The following PDE8B variants were observed in gnomAD, a reference collection of about 807,000 sequenced individuals.
PDE8B encodes phosphodiesterase 8B.
Under a neutral mutation model 101.3 loss-of-function variants are expected in PDE8B, and 26 were observed. That is an observed-to-expected ratio of 0.26 (90% confidence interval 0.19 to 0.36). The LOEUF (loss-of-function observed/expected upper bound fraction) is 0.36, where lower values mean the gene tolerates loss of function less well. PDE8B is among the 10% of genes least tolerant of loss of function. The probability of loss-of-function intolerance (pLI) is 1.00; values close to 1 mark genes in which losing one functional copy is unlikely to be tolerated. For missense variants in PDE8B, 810 were observed against 1,163.1 expected (o/e 0.70, Z 4.42); for synonymous variants, 424 against 429.3 (o/e 0.99, Z 0.15).
At chr5:77,097,161 G>A in the PDE8B span, among the ~76,000 whole-genome samples, 73 of 152,270 alleles carry the variant, frequency 4.8e-4, no homozygotes, top group Non-Finnish European at 1.3e-4. Context: ...GAGAAGGAGG[G>A]AGGAAAAGAG....
chr5:77,252,444 C>A (rs1313368242), intron 1 of PDE8B, among the ~76,000 whole-genome samples: 2 of 152,188 alleles, frequency 1.3e-5, no homozygotes, highest in African/African-American at 2.4e-5. Context: ...ACATTGATAA[C>A]TCTTTGAGGC....
intron 2 of PDE8B, 134 bp downstream of exon 2, chr5:77,312,187 T>C: frequency 1.5e-6 from 1 of 683,850 alleles, no homozygotes; most frequent in South Asian, 1.6e-5. Flanking sequence ...CACTGCAACC[T>C]CTGCCTCCTG....
At chr5:77,119,402 T>TA in the PDE8B span, 1 of 152,238 alleles carries the variant, frequency 6.6e-6, no homozygotes, top group Non-Finnish European at 1.5e-5. Flanking sequence ...CTCACGCCTG[T>TA]AATCCCAGCA....
intron 1 of PDE8B, among the ~76,000 whole-genome samples, chr5:77,277,145 A>G (rs251421): frequency 0.18 from 27,665 of 152,204 alleles, 2,780 homozygotes; most frequent in Non-Finnish European, 0.23. Context: ...GGTAGAACGC[A>G]GAAGGAGATT....
intron 10 of PDE8B, among the ~76,000 whole-genome samples, chr5:77,358,010 C>T (rs898858882): frequency 2.0e-5 from 3 of 152,214 alleles, no homozygotes; most frequent in African/African-American, 7.2e-5. Flanking sequence ...GCCCCCATGC[C>T]TTTACTCTCC....
chr5:77,279,464 T>C (rs1201894015), intron 1 of PDE8B, among the ~76,000 whole-genome samples: 4 of 152,202 alleles, frequency 2.6e-5, no homozygotes, highest in Non-Finnish European at 5.9e-5. Flanking sequence ...ACTGTCCTTA[T>C]AGCCAGAAAG....
intron 1 of PDE8B, among the ~76,000 whole-genome samples, chr5:77,302,736 A>G (rs1467658411): frequency 6.6e-6 from 1 of 152,218 alleles, no homozygotes; most frequent in African/African-American, 2.4e-5. Flanking sequence ...AGTGAGGCAG[A>G]CCTGGGCTTA....
intron 10 of PDE8B, among the ~76,000 whole-genome samples, chr5:77,387,041 G>A (rs1423211098): frequency 2.7e-5 from 4 of 149,864 alleles, no homozygotes; most frequent in African/African-American, 9.8e-5. Context: ...CCGCCACCGC[G>A]CCCGGCTAAT....
intron 1 of PDE8B, among the ~76,000 whole-genome samples, chr5:77,223,427 A>G (rs1022333239): frequency 2.4e-4 from 31 of 127,110 alleles, no homozygotes; most frequent in African/African-American, 9.2e-4. Context: ...CTAAGTTCTT[A>G]AAGTCTGGAA....
At chr5:77,422,032 G>C in intron 20 of PDE8B, 44 bp downstream of exon 20, 1 of 1,583,246 alleles carries the variant, frequency 6.3e-7, no homozygotes, top group Non-Finnish European at 8.7e-7. Flanking sequence ...CTCTGGGAAT[G>C]GGAACTAGGT....
At chr5:77,273,048 A>G (rs552604555) in intron 1 of PDE8B, among the ~76,000 whole-genome samples, 41 of 152,354 alleles carry the variant, frequency 2.7e-4, no homozygotes, top group African/African-American at 9.6e-4. Context: ...TGCTTATCCA[A>G]ATCATTCTTC....
intron 6 of PDE8B, among the ~76,000 whole-genome samples, chr5:77,337,737 T>A (rs1260604814): frequency 6.6e-6 from 1 of 152,216 alleles, no homozygotes; most frequent in Non-Finnish European, 1.5e-5. Flanking sequence ...GTAACCACAA[T>A]AGCAATTTTA....
chr5:77,094,832 C>G, the PDE8B span, among the ~76,000 whole-genome samples: 2 of 152,156 alleles, frequency 1.3e-5, no homozygotes, highest in East Asian at 3.9e-4. Context: ...TTTTAACAAC[C>G]AGATCTGGAG....
At position 77,427,360 on chromosome 5, in the gene PDE8B, T is replaced by C. The variant is rs113473526; in HGVS notation, c.*806T>C. ...ACGAGGCACTACACCAAGTATTATA[T>C]AAAAGCCATTAAATTTGAATGCCCT... On this transcript the variant is annotated 3_prime_UTR_variant, in exon 22 of 22. Coordinates refer to ENST00000264917, the MANE Select transcript of PDE8B (RefSeq NM_003719.5). 1 of 149,668 alleles carries C rather than the reference T, an allele frequency of 6.7e-6. No homozygotes were observed. The highest frequency in any genetic ancestry group is 2.5e-5 in the African/African-American group (1 of 40,378). The allele number at this position is 149,668 out of a possible 1,614,324, so 9.3% of individuals were successfully genotyped here.
chr5:77,301,952 G>C (rs1770044910), intron 1 of PDE8B, among the ~76,000 whole-genome samples: 1 of 152,112 alleles, frequency 6.6e-6, no homozygotes, highest in African/African-American at 2.4e-5. Flanking sequence ...AGGCTTCCTT[G>C]TGCTGGCCTC....
chr5:77,201,479 G>A, the PDE8B span, among the ~76,000 whole-genome samples: 1 of 152,188 alleles, frequency 6.6e-6, no homozygotes, highest in Non-Finnish European at 1.5e-5. Context: ...GGAGAGTTCA[G>A]TGTCAGCACT....
At chr5:77,236,831 C>G (rs1754794365) in intron 1 of PDE8B, among the ~76,000 whole-genome samples, 1 of 152,054 alleles carries the variant, frequency 6.6e-6, no homozygotes, top group Non-Finnish European at 1.5e-5. Context: ...TTTGGTTTTT[C>G]TATATTCATG....
chr5:77,291,857 A>G, intron 1 of PDE8B: 1 of 1,456,714 alleles, frequency 6.9e-7, no homozygotes, highest in Non-Finnish European at 9.6e-7. Context: ...CTGTTTTTGA[A>G]GAAGACAAAG....
rs868867858 is a variant in PDE8B at position 77,295,956 on chromosome 5, G to C, written c.340-16038G>C. ...TAAACAGTGAGAATATTTATTAAAAGTAGAATAGCTTTTTCCCAGCATTGC... is the reference window on the plus strand; with the variant it reads ...TAAACAGTGAGAATATTTATTAAAACTAGAATAGCTTTTTCCCAGCATTGC... On this transcript the variant is annotated intron_variant, in intron 1 of 21. Transcript: ENST00000264917. Among the ~76,000 whole-genome samples the C allele has an allele frequency of 3.3e-4, 50 of 152,164 alleles. 1 individual carries two copies. Among genetic ancestry groups the C allele is most frequent in the African/African-American group, 1.1e-3 (47 of 41,422 alleles).
Sources: allele counts gnomAD v4.1 joint callset (sites outside exome capture counted in the v4.1 genomes callset), GRCh38; gene constraint gnomAD v4.1.1; transcripts MANE v1.5; gene names NCBI Gene and HGNC (gene_info 2026-07-23, HGNC 2026-07-21).